The following ZBTB46 variants were observed in gnomAD, a reference collection of about 807,000 sequenced individuals.
The protein encoded by ZBTB46 is zinc finger and BTB domain-containing protein 46.
Under a neutral mutation model 44.1 loss-of-function variants are expected in ZBTB46, and 8 were observed. The ratio of observed to expected loss-of-function variants is 0.18; its 90% CI spans 0.11 to 0.33. The LOEUF (loss-of-function observed/expected upper bound fraction) is 0.33. Among genes scored for constraint, ZBTB46 ranks in the 10% least tolerant of loss-of-function variants. ZBTB46 has a pLI of 1.00. For synonymous variants in ZBTB46, 409 were observed against 382.3 expected (o/e 1.07, Z -0.81); for missense variants, 651 against 847.7 (o/e 0.77, Z 2.88).
chr20:63,829,461 A>G (rs1388001013), intron 1 of ZBTB46, among the ~76,000 whole-genome samples: 1 of 152,232 alleles, frequency 6.6e-6, no homozygotes, highest in African/African-American at 2.4e-5. Flanking sequence ...AGTGCATTCC[A>G]CGCCCCAAGG....
chr20:63,816,925 A>G (rs978529927), intron 1 of ZBTB46, among the ~76,000 whole-genome samples: 1 of 151,758 alleles, frequency 6.6e-6, no homozygotes, highest in Non-Finnish European at 1.5e-5. Context: ...ACCAACATGG[A>G]GAAACCCCAT....
At chr20:63,782,075 AGAC>A (rs2092474370) in intron 2 of ZBTB46, among the ~76,000 whole-genome samples, 2 of 148,676 alleles carry the variant, frequency 1.3e-5, no homozygotes, top group Non-Finnish European at 3.0e-5. Flanking sequence ...TGAAAGAGCA[AGAC>A]TCCGTCTCAA....
At chr20:63,759,201 A>G (rs2145794086) in intron 3 of ZBTB46, among the ~76,000 whole-genome samples, 1 of 152,310 alleles carries the variant, frequency 6.6e-6, no homozygotes, top group African/African-American at 2.4e-5. Flanking sequence ...GTCCTATAAA[A>G]TGAAACTCTG....
At chr20:63,805,721 G>A (rs2092676899) in intron 1 of ZBTB46, among the ~76,000 whole-genome samples, 1 of 151,964 alleles carries the variant, frequency 6.6e-6, no homozygotes, top group Non-Finnish European at 1.5e-5. Flanking sequence ...GCAGCCCCAG[G>A]AAACTAATAC....
intron 3 of ZBTB46, among the ~76,000 whole-genome samples, chr20:63,754,628 C>G (rs2092202997): frequency 6.8e-6 from 1 of 146,962 alleles, no homozygotes; most frequent in Non-Finnish European, 1.5e-5. Context: ...TAGACGGAGT[C>G]TCACTCTGTC....
At chr20:63,778,496 A>C (rs2092442885) in intron 2 of ZBTB46, among the ~76,000 whole-genome samples, 2 of 152,210 alleles carry the variant, frequency 1.3e-5, no homozygotes, top group South Asian at 4.1e-4. Flanking sequence ...GCAGGGGCAG[A>C]GGTGACGTCT....
intron 1 of ZBTB46, among the ~76,000 whole-genome samples, chr20:63,826,717 T>G (rs188366875): frequency 6.6e-6 from 1 of 152,220 alleles, no homozygotes; most frequent in Admixed American, 6.5e-5. Flanking sequence ...AGAGCGAGAC[T>G]CCCTCTCAAA....
In ZBTB46 at chr20:63,790,278, G is replaced by A. The variant is rs561608118; in HGVS notation, c.480C>T (p.Ala160=). 1.7e-5 allele frequency: 27 copies of A among 1,612,622 alleles called. No individual in the cohort carries two copies. The South Asian group carries it at 1.8e-4, about 11-fold the overall frequency. ...SSSSTEALIS[A]VMAGRSISPW... is the part of the protein sequence containing the mutation. ...GGGAGATGCTCCTCCCAGCCATCAC[G>A]GCCGAGATGAGAGCTTCCGTGCTGC... Residue 160 remains alanine (A), a synonymous_variant, in exon 2 of 5, where the codon GCC becomes GCT. Transcript: ENST00000245663.
intron 4 of ZBTB46, among the ~76,000 whole-genome samples, chr20:63,749,033 G>A (rs961489413): frequency 2.6e-5 from 4 of 152,218 alleles, no homozygotes; most frequent in South Asian, 2.1e-4. Context: ...AGCACGGCCC[G>A]ACCTCCCCTT....
At chr20:63,768,434 C>T (rs1257657866) in intron 3 of ZBTB46, among the ~76,000 whole-genome samples, 3 of 151,984 alleles carry the variant, frequency 2.0e-5, no homozygotes, top group African/African-American at 4.8e-5. Context: ...CTACTAAAAA[C>T]ACAAAAATTA....
At chr20:63,807,131 G>A (rs2092686665) in intron 1 of ZBTB46, among the ~76,000 whole-genome samples, 1 of 152,074 alleles carries the variant, frequency 6.6e-6, no homozygotes, top group South Asian at 2.1e-4. Flanking sequence ...ACAGTGAAGT[G>A]ATATATACAA....
intron 1 of ZBTB46, among the ~76,000 whole-genome samples, chr20:63,820,913 A>G (rs1019113276): frequency 6.9e-6 from 1 of 144,868 alleles, no homozygotes; most frequent in Non-Finnish European, 1.5e-5. Flanking sequence ...TTTTTTTTAG[A>G]TGGAGTTTCG....
chr20:63,747,998 G>A (rs1377873626), intron 4 of ZBTB46, among the ~76,000 whole-genome samples: 2 of 152,244 alleles, frequency 1.3e-5, no homozygotes, highest in African/African-American at 4.8e-5. Context: ...GGCCGGGGTT[G>A]GGGCTGCCAG....
intron 1 of ZBTB46, among the ~76,000 whole-genome samples, chr20:63,800,595 C>A (rs567837515): frequency 6.6e-6 from 1 of 152,234 alleles, no homozygotes; most frequent in Non-Finnish European, 1.5e-5. Flanking sequence ...GGGCTGCGTG[C>A]GGCGCTTGCG....
intron 1 of ZBTB46, among the ~76,000 whole-genome samples, chr20:63,817,575 G>A (rs986698112): frequency 1.3e-5 from 2 of 151,764 alleles, no homozygotes; most frequent in African/African-American, 4.8e-5. Context: ...AATTAGTCAG[G>A]CGTGGTGGCA....
chr20:63,776,949 G>A (rs1020787037), intron 2 of ZBTB46, among the ~76,000 whole-genome samples: 1 of 152,102 alleles, frequency 6.6e-6, no homozygotes, highest in African/African-American at 2.4e-5. Flanking sequence ...GAGATGCTCA[G>A]CATCACCCAT....
At chr20:63,819,634 C>T (rs1459099593) in intron 1 of ZBTB46, among the ~76,000 whole-genome samples, 2 of 152,148 alleles carry the variant, frequency 1.3e-5, no homozygotes, top group Admixed American at 6.5e-5. Context: ...CAGAGGTAAA[C>T]GGATTAAAAC....
intron 2 of ZBTB46, among the ~76,000 whole-genome samples, chr20:63,783,918 CATT>C (rs1260677752): frequency 2.6e-5 from 4 of 152,176 alleles, no homozygotes; most frequent in African/African-American, 4.8e-5. Flanking sequence ...GGAGGCGAAA[CATT>C]GTTCAGGAGG....
intron 1 of ZBTB46, among the ~76,000 whole-genome samples, chr20:63,796,843 TA>T (rs1194326221): frequency 2.6e-5 from 4 of 151,698 alleles, no homozygotes; most frequent in African/African-American, 4.8e-5. Flanking sequence ...TAAAATAAAA[TA>T]AAAATAAAAT....
Sources: allele counts gnomAD v4.1 joint callset (sites outside exome capture counted in the v4.1 genomes callset), GRCh38; gene constraint gnomAD v4.1.1; transcripts MANE v1.5; gene names NCBI Gene and HGNC (gene_info 2026-07-23, HGNC 2026-07-21).